Variants in THOC2 observed in about 807,000 individuals in gnomAD.
THOC2 encodes THO complex 2.
Under a neutral mutation model 128.4 loss-of-function variants are expected in THOC2, and 10 were observed. The ratio of observed to expected loss-of-function variants is 0.08; its 90% CI spans 0.05 to 0.13. The LOEUF is 0.13. Among genes scored for constraint, THOC2 ranks in the 10% least tolerant of loss-of-function variants. The probability of loss-of-function intolerance (pLI) is 1.00; values close to 1 mark genes in which losing one functional copy is unlikely to be tolerated. For missense variants in THOC2, 535 were observed against 1,155.7 expected (o/e 0.46, Z 7.79); for synonymous variants, 393 against 396.9 (o/e 0.99, Z 0.12).
Position 123,684,043 on chromosome X carries a change from C to CA in THOC2, c.768+2504dup, listed in dbSNP as rs200710272. ...ATATAAGAAAAATGGTCGTTGTCTACAAAAAAAAAAAGATTATTCAAATAC... is the reference window on the plus strand; with the variant it reads ...ATATAAGAAAAATGGTCGTTGTCTACAAAAAAAAAAAAGATTATTCAAATAC... On this transcript the variant is annotated intron_variant, in intron 8 of 38. Coordinates refer to ENST00000245838, the MANE Select transcript of THOC2 (RefSeq NM_001081550.2). Among the ~76,000 whole-genome samples, 519 of 98,492 alleles carry CA rather than the reference C, an allele frequency of 5.3e-3. 2 individuals are homozygous for CA. The highest frequency in any genetic ancestry group is 0.013 in the African/African-American group (354 of 27,094). 85.5% of individuals were successfully genotyped at this position (98,492 alleles called of 115,157 possible). A position where few individuals can be genotyped will look rare whatever the true frequency, so the allele number is the denominator to read the frequency against.
chrX:123,649,358 C>T (rs1233991057), intron 12 of THOC2, among the ~76,000 whole-genome samples: 1 of 111,532 alleles, frequency 9.0e-6, no homozygotes, highest in African/African-American at 3.3e-5. Context: ...AAAAACAGCA[C>T]AAAAAGGCTG....
intron 1 of THOC2, among the ~76,000 whole-genome samples, chrX:123,721,780 T>C (rs1280200882): frequency 3.7e-5 from 4 of 107,812 alleles, no homozygotes; most frequent in Non-Finnish European, 7.7e-5. Flanking sequence ...AGCAAGACTC[T>C]ATCTCCAAAA....
chrX:123,721,818 C>T (rs2051714645), intron 1 of THOC2, among the ~76,000 whole-genome samples: 1 of 110,636 alleles, frequency 9.0e-6, no homozygotes, highest in Admixed American at 9.7e-5. Flanking sequence ...AAAAATAACA[C>T]ATCCTTTCAA....
intron 22 of THOC2, among the ~76,000 whole-genome samples, chrX:123,628,357 A>G (rs959717718): frequency 1.8e-5 from 2 of 111,944 alleles, no homozygotes; most frequent in African/African-American, 6.5e-5. Context: ...AACAAATAGA[A>G]GGTCTTAACA....
At chrX:123,654,867 A>G (rs1397424211) in intron 12 of THOC2, among the ~76,000 whole-genome samples, 1 of 110,158 alleles carries the variant, frequency 9.1e-6, no homozygotes, top group African/African-American at 3.3e-5. Flanking sequence ...TGCCCTATAA[A>G]GACACAGTAG....
At chrX:123,684,800 C>T (rs947915580) in intron 8 of THOC2, among the ~76,000 whole-genome samples, 1 of 112,536 alleles carries the variant, frequency 8.9e-6, no homozygotes, top group African/African-American at 3.2e-5. Flanking sequence ...GCTTTCTCTT[C>T]TGTCTGCTGG....
chrX:123,709,072 A>G lies in THOC2; in HGVS notation c.131-2123T>C, dbSNP rs190868498. Among the ~76,000 whole-genome samples the G allele has an allele frequency of 1.8e-3, 197 of 112,133 alleles. 3 individuals are homozygous for G. The highest frequency in any genetic ancestry group is 4.6e-3 in the Middle Eastern group (1 of 217). ...TAATTCACGAGTTTTCTAAATGCCT[A>G]TTTAAAAATGGTTAGGAACTCCTAT... is the stretch of plus-strand genomic sequence containing the variant. On this transcript the variant is annotated intron_variant, in intron 2 of 38. Transcript: ENST00000245838.
At chrX:123,656,941 C>T (rs766954342) in intron 12 of THOC2, among the ~76,000 whole-genome samples, 45 of 110,228 alleles carry the variant, frequency 4.1e-4, no homozygotes, top group Non-Finnish European at 6.6e-4. Context: ...ACCCAGGGGG[C>T]GGAGGTTGCA....
chrX:123,681,921 T>A (rs1282268426), intron 8 of THOC2, among the ~76,000 whole-genome samples: 1 of 111,628 alleles, frequency 9.0e-6, no homozygotes, highest in East Asian at 2.8e-4. Context: ...TAGACAGGCG[T>A]GGTGGCAGCC....
At position 123,657,323 on chromosome X, in the gene THOC2, A is replaced by G. The variant is rs147627103; in HGVS notation, c.1386+8319T>C. Among the ~76,000 whole-genome samples the G allele has an allele frequency of 5.7e-3, 636 of 110,956 alleles. 4 individuals carry two copies. Among genetic ancestry groups the G allele is most frequent in the Middle Eastern group, 0.023 (5 of 216 alleles). On this transcript the variant is annotated intron_variant, in intron 12 of 38. Coordinates refer to ENST00000245838, the MANE Select transcript of THOC2 (RefSeq NM_001081550.2). Reference sequence around the variant, plus strand: ...AGGAAGGAAGAGAAGAAATATTTGAAGCAATGATGACAGAATTTCCCCAAA... The same window carrying G: ...AGGAAGGAAGAGAAGAAATATTTGAGGCAATGATGACAGAATTTCCCCAAA...
Position 123,607,979 on chromosome X carries a change from C to T in THOC2, c.*18+2939G>A, listed in dbSNP as rs1024400796. Among the ~76,000 whole-genome samples, 5 of 110,869 alleles carry T rather than the reference C, an allele frequency of 4.5e-5. No homozygotes were observed. The Admixed American group carries it at 4.8e-4, about 11-fold the overall frequency. On this transcript the variant is annotated intron_variant, in intron 38 of 38. Coordinates refer to ENST00000245838, the MANE Select transcript of THOC2 (RefSeq NM_001081550.2). ...AAAAGAAACTATCAGCCAGGCATGG[C>T]AGCTCATGCCTACAATCCCAGCACA...
At position 123,661,170 on chromosome X, in the gene THOC2, G is replaced by A. The variant is rs190922257; in HGVS notation, c.1386+4472C>T. Among the ~76,000 whole-genome samples, 204 of 112,079 alleles carry A rather than the reference G, an allele frequency of 1.8e-3. 2 individuals carry two copies. The highest frequency in any genetic ancestry group is 6.4e-3 in the African/African-American group (199 of 30,900). ...CTGTAATTCCAGCATTTTGGGAGGC[G>A]GAGAAGGGCAGATCACCTGAGGTCA... is the stretch of plus-strand genomic sequence containing the variant. On this transcript the variant is annotated intron_variant, in intron 12 of 38. Coordinates refer to ENST00000245838, the MANE Select transcript of THOC2 (RefSeq NM_001081550.2).
intron 15 of THOC2, among the ~76,000 whole-genome samples, chrX:123,642,105 A>C (rs1025785786): frequency 8.9e-5 from 10 of 112,444 alleles, no homozygotes; most frequent in African/African-American, 2.9e-4. Context: ...ATTGTGTCTC[A>C]GCCTTTTAGC....
chrX:123,629,002 T>A (rs911490075), intron 22 of THOC2, among the ~76,000 whole-genome samples: 5 of 109,385 alleles, frequency 4.6e-5, no homozygotes, highest in African/African-American at 1.7e-4. Flanking sequence ...GACTGGTTTA[T>A]CCTAATTTGG....
chrX:123,706,808 C>T (rs373814053), intron 3 of THOC2, 50 bp downstream of exon 3: 5 of 576,503 alleles, frequency 8.7e-6, no homozygotes, highest in African/African-American at 7.2e-5. Flanking sequence ...TGTGTCAAAG[C>T]AAAAAGATAT....
Position 123,615,202 on chromosome X carries a change from AAATAG to A in THOC2, c.4312-1018_4312-1014del, listed in dbSNP as rs1475330493. Among the ~76,000 whole-genome samples, 8 of 111,777 alleles carry A rather than the reference AAATAG, an allele frequency of 7.2e-5. No individual in the cohort carries two copies. In the East Asian group the frequency reaches 1.9e-3, roughly 27 times the overall value. The stretch of plus-strand genomic sequence containing the variant: ...ACAATGCTAGATACACCTTAGGAAC[AAATAG>A]AATAGTGAGTCAAAAGTCAAATATT... On this transcript the variant is annotated intron_variant, in intron 33 of 38. Coordinates refer to ENST00000245838, the MANE Select transcript of THOC2 (RefSeq NM_001081550.2).
In THOC2 at chrX:123,610,781, C is replaced by G. The variant is rs767577351; in HGVS notation, c.*18+137G>C. 2.3e-5 allele frequency: 11 copies of G among 477,598 alleles called. No individual in the cohort carries two copies. The South Asian group carries it at 3.5e-4, about 15-fold the overall frequency. 39.4% of individuals were successfully genotyped at this position (477,598 alleles called of 1,213,427 possible). ...CTCTGAATCTTGTTTTGCATCTATA[C>G]CCGAAGACTTGGTCGTTATATTTAG... On this transcript the variant is annotated intron_variant, in intron 38 of 38. Coordinates refer to ENST00000245838, the MANE Select transcript of THOC2 (RefSeq NM_001081550.2).
At chrX:123,642,332 G>A (rs780010575) in intron 15 of THOC2, among the ~76,000 whole-genome samples, 1 of 109,031 alleles carries the variant, frequency 9.2e-6, no homozygotes, top group South Asian at 4.1e-4. Flanking sequence ...GGCTGAGGCA[G>A]GATAATCGCT....
intron 1 of THOC2, 39 bp downstream of exon 1, chrX:123,732,913 C>T: frequency 2.5e-6 from 3 of 1,185,053 alleles, no homozygotes; most frequent in Non-Finnish European, 3.4e-6. Flanking sequence ...CGCCCTGGCC[C>T]GGCCCGGCAG....
Sources: gnomAD v4.1 joint callset for allele counts (sites outside exome capture counted in the v4.1 genomes callset) on GRCh38, gnomAD v4.1.1 for gene constraint, MANE v1.5 for transcripts, NCBI Gene and HGNC (gene_info 2026-07-23, HGNC 2026-07-21) for gene names.